TLE1: variants seen among roughly 807,000 people sequenced by gnomAD.
The protein encoded by TLE1 is transducin-like enhancer protein 1.
In TLE1, 21 loss-of-function variants were observed where a neutral mutation model predicts 89.8. The observed-to-expected ratio is 0.23, with a 90% CI of 0.17 to 0.34. TLE1 has a LOEUF of 0.34. TLE1 is among the 10% of genes least tolerant of loss of function. The pLI, the probability that TLE1 is intolerant of heterozygous loss-of-function variation, is 1.00. For missense variants in TLE1, 795 were observed against 1,031.2 expected (o/e 0.77, Z 3.14); for synonymous variants, 447 against 407.6 (o/e 1.10, Z -1.16).
intron 4 of TLE1, among the ~76,000 whole-genome samples, chr9:81,676,087 T>C (rs1324781459): frequency 1.3e-5 from 2 of 152,118 alleles, no homozygotes; most frequent in African/African-American, 4.8e-5. Flanking sequence ...ACAGCCAAAA[T>C]CGTTGGGCAA....
rs568457194 is a variant in TLE1 at position 81,643,266 on chromosome 9, C to T, written c.372+8948G>A. Reference sequence around the variant, plus strand: ...TTGGTTTTTTTTTTTGACAGAGTTTCGCTCTCGTTGCCCAGGCTGGAGTAC... The same window carrying T: ...TTGGTTTTTTTTTTTGACAGAGTTTTGCTCTCGTTGCCCAGGCTGGAGTAC... On this transcript the variant is annotated intron_variant, in intron 6 of 19. Coordinates refer to ENST00000376499, the MANE Select transcript of TLE1 (RefSeq NM_005077.5). Among the ~76,000 whole-genome samples, 75 of 151,224 alleles carry T rather than the reference C, an allele frequency of 5.0e-4. 1 individual carries two copies. Among genetic ancestry groups the T allele is most frequent in the Admixed American group, 1.1e-3 (16 of 15,198 alleles).
At position 81,634,207 on chromosome 9, in the gene TLE1, G is replaced by A. The variant is rs773061485; in HGVS notation, c.467C>T (p.Pro156Leu). Residue 156 changes from proline to leucine, a missense_variant, in exon 7 of 20, where the codon CCG becomes CTG. By Grantham distance (98) the Pro-to-Leu change is moderately conservative. Transcript: ENST00000376499. The stretch of plus-strand genomic sequence containing the variant: ...AAGGCCGGCACTGCCCCCGAGGGGC[G>A]GGATTCCAGGAGGCTGAAGTCCCGA... ...HPSGLQPPGIPPLGGSAGLLA... is the reference protein window; with the variant it reads ...HPSGLQPPGILPLGGSAGLLA... 27 of 1,590,358 alleles carry A rather than the reference G, an allele frequency of 1.7e-5. No homozygotes were observed. Among genetic ancestry groups the A allele is most frequent in the African/African-American group, 2.7e-5 (2 of 74,658 alleles).
In TLE1 at chr9:81,624,781, A is replaced by C. The variant is rs1283855622; in HGVS notation, c.595-4224T>G. Among the ~76,000 whole-genome samples the C allele has an allele frequency of 2.6e-5, 4 of 152,222 alleles. No individual in the cohort carries two copies. In the East Asian group the frequency reaches 5.8e-4, roughly 22 times the overall value. On this transcript the variant is annotated intron_variant, in intron 8 of 19. Transcript: ENST00000376499. ...ATGTAAGTTTTCATTTAAAATTAAA[A>C]AAATAAACAAATAAACAAAATCACC... is the stretch of plus-strand genomic sequence containing the variant.
At chr9:81,628,899 C>G (rs540485166) in intron 8 of TLE1, among the ~76,000 whole-genome samples, 1 of 152,216 alleles carries the variant, frequency 6.6e-6, no homozygotes, top group African/African-American at 2.4e-5. Context: ...GAGTTATAGT[C>G]TCTCCCCAGA....
At chr9:81,611,630 G>C in intron 13 of TLE1, 139 bp downstream of exon 13, 1 of 776,626 alleles carries the variant, frequency 1.3e-6, no homozygotes, top group South Asian at 3.8e-5. Context: ...TGGGAGACTG[G>C]GCGTCTTTGT....
At chr9:81,640,929 G>C (rs1321131705) in intron 6 of TLE1, among the ~76,000 whole-genome samples, 2 of 152,102 alleles carry the variant, frequency 1.3e-5, no homozygotes, top group African/African-American at 4.8e-5. Flanking sequence ...TTTAATTTCT[G>C]AAACTTCACC....
chr9:81,613,858 G>A (rs1824032623), intron 11 of TLE1, among the ~76,000 whole-genome samples: 1 of 150,822 alleles, frequency 6.6e-6, no homozygotes, highest in Non-Finnish European at 1.5e-5. Flanking sequence ...CAGGCACTCA[G>A]AAACACATGT....
chr9:81,610,270 C>T lies in TLE1; in HGVS notation c.1281G>A (p.Met427Ile). ...GGTTTGGAGGAATGGTAGGTACTCT[C>T]ATGTGAGGGGGAGGATCAAACCCCA... is the stretch of plus-strand genomic sequence containing the variant. ...PMVGFDPPPH[M>I]RVPTIPPNLA... The change falls in exon 14 of 20, where the codon ATG becomes ATA. Residue 427 changes from methionine (M) to isoleucine (I), a missense_variant. Physicochemically the swap from Met to Ile is conservative, Grantham distance 10 (BLOSUM62 1). Transcript: ENST00000376499. 3 of 1,613,990 alleles carry T rather than the reference C, an allele frequency of 1.9e-6. No homozygotes were observed. Among genetic ancestry groups the T allele is most frequent in the Non-Finnish European group, 2.5e-6 (3 of 1,180,008 alleles).
At chr9:81,669,489 T>C (rs1262500144) in intron 4 of TLE1, among the ~76,000 whole-genome samples, 1 of 152,196 alleles carries the variant, frequency 6.6e-6, no homozygotes, top group Non-Finnish European at 1.5e-5. Flanking sequence ...AATTTTCCAG[T>C]CTGCAAGCAG....
chr9:81,668,346 A>C (rs1452058990), intron 4 of TLE1, among the ~76,000 whole-genome samples: 1 of 152,188 alleles, frequency 6.6e-6, no homozygotes, highest in Non-Finnish European at 1.5e-5. Flanking sequence ...GATGCTAGCT[A>C]AATTTTTCAA....
intron 11 of TLE1, among the ~76,000 whole-genome samples, chr9:81,613,909 T>TC (rs1446942991): frequency 6.9e-6 from 1 of 144,734 alleles, no homozygotes; most frequent in Non-Finnish European, 1.5e-5. Flanking sequence ...TTCTTTTCTT[T>TC]TTTTTTTTTT....
intron 4 of TLE1, among the ~76,000 whole-genome samples, chr9:81,680,404 CCT>C (rs1158174050): frequency 6.6e-6 from 1 of 152,302 alleles, no homozygotes; most frequent in Admixed American, 6.5e-5. Flanking sequence ...CCCAACTCCC[CCT>C]GTTGGATCCT....
chr9:81,680,648 A>G (rs1833494951), intron 4 of TLE1, among the ~76,000 whole-genome samples: 8 of 152,134 alleles, frequency 5.3e-5, no homozygotes, highest in Admixed American at 5.2e-4. Flanking sequence ...GCTTGCTGAT[A>G]AGAAACAAAG....
chr9:81,647,331 G>C (rs1447011549), intron 6 of TLE1, among the ~76,000 whole-genome samples: 1 of 152,216 alleles, frequency 6.6e-6, no homozygotes, highest in African/African-American at 2.4e-5. Context: ...GGAAGCCAAT[G>C]ATGTCTTCAC....
Position 81,583,794 on chromosome 9 carries a change from A to C in TLE1, c.*404T>G, listed in dbSNP as rs1248912167. 6.0e-6 allele frequency: 1 copy of C among 168,060 alleles called. No homozygotes were observed. The highest frequency in any genetic ancestry group is 1.3e-5 in the Non-Finnish European group (1 of 77,606). 10.4% of individuals were successfully genotyped at this position (168,060 alleles called of 1,614,324 possible). ...ACATTTCACAAGATGCAAAACCAGG[A>C]AACAAGTTCATTGGAGACACCACTG... On this transcript the variant is annotated 3_prime_UTR_variant, in exon 20 of 20. Coordinates refer to ENST00000376499, the MANE Select transcript of TLE1 (RefSeq NM_005077.5).
intron 4 of TLE1, among the ~76,000 whole-genome samples, chr9:81,664,852 G>C (rs1230385093): frequency 6.6e-6 from 1 of 152,200 alleles, no homozygotes; most frequent in Non-Finnish European, 1.5e-5. Context: ...CGGAGTTCCT[G>C]TTGGAGTCTA....
chr9:81,669,811 T>C (rs1287557630), intron 4 of TLE1, among the ~76,000 whole-genome samples: 3 of 152,200 alleles, frequency 2.0e-5, no homozygotes, highest in Non-Finnish European at 4.4e-5. Flanking sequence ...AATAAATAAA[T>C]GTTAATAACC....
Position 81,634,125 on chromosome 9 carries a change from CTT to C in TLE1, c.547_548del (p.Lys183GlufsTer17). 1 of 1,609,214 alleles carries C rather than the reference CTT, an allele frequency of 6.2e-7. No individual in the cohort carries two copies. Among genetic ancestry groups the C allele is most frequent in the Non-Finnish European group, 8.5e-7 (1 of 1,177,462 alleles). On this transcript the variant is annotated frameshift_variant, in exon 7 of 20. Transcript: ENST00000376499. LOFTEE classifies it high-confidence loss of function. ...GQSHLAIKDD[K>X]KHHDAEHHRD... ...TGTGGTGCTCTGCATCGTGGTGCTT[CTT>C]GTCATCTTTTATTGCCAAGTGAGAC...
chr9:81,635,687 G>C (rs1245461392), intron 6 of TLE1, among the ~76,000 whole-genome samples: 1 of 152,078 alleles, frequency 6.6e-6, no homozygotes, highest in Non-Finnish European at 1.5e-5. Context: ...TGCGTGCACT[G>C]AACATATTAA....
Sources: allele counts gnomAD v4.1 joint callset (sites outside exome capture counted in the v4.1 genomes callset), GRCh38; gene constraint gnomAD v4.1.1; transcripts MANE v1.5; gene names NCBI Gene and HGNC (gene_info 2026-07-23, HGNC 2026-07-21).